The following TGFBR2 variants were observed in gnomAD, a reference collection of about 807,000 sequenced individuals.
TGFBR2 encodes transforming growth factor beta receptor 2.
In TGFBR2, 18 loss-of-function variants were observed where a neutral mutation model predicts 49.0. The observed-to-expected ratio is 0.37, with a 90% CI of 0.25 to 0.54. The LOEUF (loss-of-function observed/expected upper bound fraction) is 0.54, where lower values mean the gene tolerates loss of function less well. Among genes scored for constraint, TGFBR2 ranks in the 20% least tolerant of loss-of-function variants. The pLI, the probability that TGFBR2 is intolerant of heterozygous loss-of-function variation, is 0.85. For missense variants in TGFBR2, 525 were observed against 722.6 expected (o/e 0.73, Z 3.13); for synonymous variants, 282 against 275.9 (o/e 1.02, Z -0.22).
intron 6 of TGFBR2, 117 bp downstream of exon 6, chr3:30,688,628 C>T: frequency 7.0e-7 from 1 of 1,429,570 alleles, no homozygotes; most frequent in Non-Finnish European, 9.6e-7. Flanking sequence ...TGTTCTATGG[C>T]CCTGTTAAAT....
chr3:30,649,178 G>T (rs1698832729), intron 2 of TGFBR2, among the ~76,000 whole-genome samples: 2 of 152,136 alleles, frequency 1.3e-5, no homozygotes, highest in South Asian at 4.1e-4. Flanking sequence ...TCCCTCTCTA[G>T]ACAGAGAGAA....
At chr3:30,689,204 ATAAAGAGGCTG>A (rs1322514096) in intron 6 of TGFBR2, among the ~76,000 whole-genome samples, 11 of 152,204 alleles carry the variant, frequency 7.2e-5, no homozygotes, top group Non-Finnish European at 1.5e-4. Context: ...TTCTGGACTC[ATAAAGAGGCTG>A]ATCCAAATTG....
At chr3:30,652,732 CTT>C (rs1698918042) in intron 3 of TGFBR2, among the ~76,000 whole-genome samples, 1 of 152,184 alleles carries the variant, frequency 6.6e-6, no homozygotes, top group Admixed American at 6.5e-5. Context: ...ATTGAAGAAA[CTT>C]TTCTCTCCTT....
intron 2 of TGFBR2, among the ~76,000 whole-genome samples, chr3:30,646,464 T>C (rs1698743788): frequency 6.6e-6 from 1 of 152,196 alleles, no homozygotes; most frequent in Non-Finnish European, 1.5e-5. Context: ...AGAGAGATCG[T>C]GGGTTCTGCT....
chr3:30,691,396 C>G (rs758875181), intron 6 of TGFBR2, 24 bp from the exon 7 acceptor site: 2 of 1,613,580 alleles, frequency 1.2e-6, no homozygotes, highest in Admixed American at 3.3e-5. Context: ...TCATGGTGCC[C>G]TTTGGATCTC....
chr3:30,666,830 T>G (rs1426694956), intron 3 of TGFBR2, among the ~76,000 whole-genome samples: 1 of 151,272 alleles, frequency 6.6e-6, no homozygotes, highest in Non-Finnish European at 1.5e-5. Flanking sequence ...TAAGTTTGTG[T>G]AGAGACAGTC....
chr3:30,657,800 A>C (rs957774234), intron 3 of TGFBR2, among the ~76,000 whole-genome samples: 4 of 152,162 alleles, frequency 2.6e-5, no homozygotes, highest in African/African-American at 7.2e-5. Flanking sequence ...TCCCCATTAT[A>C]AGGAGTCCTG....
chr3:30,664,287 A>AT (rs527548828), intron 3 of TGFBR2, among the ~76,000 whole-genome samples: 9 of 149,218 alleles, frequency 6.0e-5, no homozygotes, highest in Non-Finnish European at 1.0e-4. Context: ...TCTTCCCCCC[A>AT]TTTTTTTTTA....
At chr3:30,671,195 A>G (rs1346248615) in intron 3 of TGFBR2, among the ~76,000 whole-genome samples, 1 of 152,186 alleles carries the variant, frequency 6.6e-6, no homozygotes, top group Non-Finnish European at 1.5e-5. Context: ...AGTTTACAGT[A>G]GTGAAGAAGA....
rs145393202 is a variant in TGFBR2 at position 30,687,661 on chromosome 3, A to G, written c.1397-723A>G. Among the ~76,000 whole-genome samples, 387 of 152,300 alleles carry G rather than the reference A, an allele frequency of 2.5e-3. 1 individual carries two copies. The highest frequency in any genetic ancestry group is 9.0e-3 in the African/African-American group (373 of 41,556). ...TTAAGTACCTTCGCAGTGCTCTACA[A>G]CCATCACCATTATTCATTTTTCTGT... On this transcript the variant is annotated intron_variant, in intron 5 of 6. Transcript: ENST00000295754.
intron 5 of TGFBR2, among the ~76,000 whole-genome samples, chr3:30,682,741 G>T (rs1237777787): frequency 6.6e-6 from 1 of 152,132 alleles, no homozygotes; most frequent in Non-Finnish European, 1.5e-5. Flanking sequence ...ACCAGCTAAG[G>T]AGAGGGCTGC....
In TGFBR2 at chr3:30,607,947, T is replaced by A. The variant is rs1464645150; in HGVS notation, c.94+970T>A. On this transcript the variant is annotated intron_variant, in intron 1 of 6. Coordinates refer to ENST00000295754, the MANE Select transcript of TGFBR2 (RefSeq NM_003242.6). ...AACCTCTGAGACTTCAAAAGTTAGA[T>A]TTTTTTTTTTTGGAGACGGAGTCTC... Among the ~76,000 whole-genome samples the A allele has an allele frequency of 5.0e-5, 7 of 140,090 alleles. No homozygotes were observed. The East Asian group carries it at 1.2e-3, about 24-fold the overall frequency. The allele number at this position is 140,090 out of a possible 152,430, so 91.9% of individuals were successfully genotyped here.
chr3:30,648,441 CACACACACA>C (rs916874271), intron 2 of TGFBR2, among the ~76,000 whole-genome samples: 11 of 149,540 alleles, frequency 7.4e-5, no homozygotes, highest in African/African-American at 2.5e-4. Flanking sequence ...CACACACACA[CACACACACA>C]CACACACACA....
intron 3 of TGFBR2, among the ~76,000 whole-genome samples, chr3:30,652,366 G>T (rs1302650991): frequency 6.6e-6 from 1 of 151,372 alleles, no homozygotes; most frequent in Non-Finnish European, 1.5e-5. Flanking sequence ...TCCTGAGTAG[G>T]TGGGACTGCA....
rs537521663 is a variant in TGFBR2 at position 30,653,596 on chromosome 3, A to G, written c.454+3136A>G. On this transcript the variant is annotated intron_variant, in intron 3 of 6. Coordinates refer to ENST00000295754, the MANE Select transcript of TGFBR2 (RefSeq NM_003242.6). ...TTGATTTGTCTACTCCAAGTCCAAC[A>G]AGGTGGTGAACACAAAAGCTATGAA... is the stretch of plus-strand genomic sequence containing the variant. Among the ~76,000 whole-genome samples, 18 of 152,302 alleles carry G rather than the reference A, an allele frequency of 1.2e-4. No homozygotes were observed. The East Asian group carries it at 2.7e-3, about 23-fold the overall frequency.
intron 3 of TGFBR2, among the ~76,000 whole-genome samples, chr3:30,663,998 G>T: frequency 8.1e-6 from 1 of 122,960 alleles, no homozygotes; most frequent in Non-Finnish European, 1.7e-5. Context: ...AGTTGGGGGG[G>T]CAGGGGGAGA....
chr3:30,613,484 G>C (rs1385503893), intron 1 of TGFBR2, among the ~76,000 whole-genome samples: 1 of 151,964 alleles, frequency 6.6e-6, no homozygotes, highest in Non-Finnish European at 1.5e-5. Flanking sequence ...CTGCACGAGG[G>C]TTGTTTAAGG....
intron 6 of TGFBR2, among the ~76,000 whole-genome samples, chr3:30,689,620 G>C (rs894047603): frequency 4.6e-5 from 7 of 152,202 alleles, no homozygotes; most frequent in African/African-American, 1.2e-4. Context: ...AGGTTGGCGA[G>C]GGGGAACCAG....
At position 30,672,624 on chromosome 3, in the gene TGFBR2, T is replaced by C. The variant is rs1362149966; in HGVS notation, c.1254+187T>C. Among the ~76,000 whole-genome samples, 1 of 152,236 alleles carries C rather than the reference T, an allele frequency of 6.6e-6. No homozygotes were observed. The highest frequency in any genetic ancestry group is 2.4e-5 in the African/African-American group (1 of 41,472). On this transcript the variant is annotated intron_variant, in intron 4 of 6. Transcript: ENST00000295754. This position sits in a 1 kb window ranked among gnomAD's most constrained non-coding sequence, Gnocchi z 4.5. ...TGTCCTGCCTGAGCATTTTTGCTAA[T>C]GGACAGCATTTCTCCTCCTATCTTC...
Sources: allele counts gnomAD v4.1 joint callset (sites outside exome capture counted in the v4.1 genomes callset), GRCh38; gene constraint gnomAD v4.1.1; non-coding constraint Gnocchi (gnomAD v3.1); transcripts MANE v1.5; gene names NCBI Gene and HGNC (gene_info 2026-07-23, HGNC 2026-07-21).